Variants in UBE2H observed in about 807,000 individuals in gnomAD.
The protein encoded by UBE2H is ubiquitin-conjugating enzyme E2 H.
UBE2H carries 3 observed loss-of-function variants against 29.0 expected under a neutral mutation model. The ratio of observed to expected loss-of-function variants is 0.10; its 90% CI spans 0.05 to 0.27. UBE2H has a LOEUF of 0.27. UBE2H is among the 10% of genes least tolerant of loss of function. The probability of loss-of-function intolerance (pLI) is 1.00; values close to 1 mark genes in which losing one functional copy is unlikely to be tolerated. For synonymous variants in UBE2H, 69 were observed against 82.9 expected, an observed-to-expected ratio of 0.83 and a Z score of 0.91; for missense variants, 68 against 228.2, an observed-to-expected ratio of 0.30 and a Z score of 4.52.
In UBE2H at chr7:129,835,035, C is replaced by T. The variant is rs763096726; in HGVS notation, c.454G>A (p.Glu152Lys). 6.2e-7 allele frequency: 1 copy of T among 1,614,152 alleles called. No individual in the cohort carries two copies. The highest frequency in any genetic ancestry group is 8.5e-7 in the Non-Finnish European group (1 of 1,180,036). Residue 152 changes from glutamate (E) to lysine (K), a missense_variant, in exon 7 of 7, where the codon GAG (glutamate) becomes AAG (lysine). Glu to Lys is a moderately conservative substitution (Grantham distance 56, BLOSUM62 1). Coordinates refer to ENST00000355621, the MANE Select transcript of UBE2H (RefSeq NM_003344.4). ...CCCTCTTCCTGTTCTTTCAGCGCCT[C>T]CTCCGTGGCGTATTTCTGGATGTAC... Reference protein sequence around the residue: ...KEYIQKYATEEALKEQEEGTG... With the variant: ...KEYIQKYATEKALKEQEEGTG...
intron 1 of UBE2H, among the ~76,000 whole-genome samples, chr7:129,901,220 A>G (rs1806707506): frequency 6.6e-6 from 1 of 152,212 alleles, no homozygotes; most frequent in Admixed American, 6.5e-5. Context: ...TGTTTTCCCT[A>G]GCAAATGTAC....
intron 1 of UBE2H, among the ~76,000 whole-genome samples, chr7:129,946,333 A>G (rs1309054275): frequency 6.6e-6 from 1 of 152,140 alleles, no homozygotes; most frequent in African/African-American, 2.4e-5. Flanking sequence ...TGTTGGGATT[A>G]CAGGCGTGAG....
intron 1 of UBE2H, among the ~76,000 whole-genome samples, chr7:129,884,438 C>A (rs367922175): frequency 8.6e-5 from 13 of 150,754 alleles, no homozygotes; most frequent in East Asian, 5.9e-4. Flanking sequence ...AAAAAAATTT[C>A]TCTACTTTTT....
At chr7:129,869,699 G>T (rs190243359) in intron 3 of UBE2H, among the ~76,000 whole-genome samples, 1 of 152,200 alleles carries the variant, frequency 6.6e-6, no homozygotes, top group Non-Finnish European at 1.5e-5. Context: ...CTGCAGAAAG[G>T]GCACTGTATC....
intron 3 of UBE2H, among the ~76,000 whole-genome samples, chr7:129,871,979 T>C (rs925600825): frequency 6.6e-6 from 1 of 152,084 alleles, no homozygotes; most frequent in Non-Finnish European, 1.5e-5. Context: ...CTCGAGTAGC[T>C]GGGATTACAG....
intron 1 of UBE2H, among the ~76,000 whole-genome samples, chr7:129,932,907 G>C (rs538894258): frequency 4.0e-5 from 6 of 151,596 alleles, no homozygotes; most frequent in Non-Finnish European, 8.8e-5. Context: ...CCCCTTGAAA[G>C]TATCTTGGGG....
intron 3 of UBE2H, among the ~76,000 whole-genome samples, chr7:129,877,950 G>A (rs1806180244): frequency 6.6e-6 from 1 of 152,166 alleles, no homozygotes; most frequent in South Asian, 2.1e-4. Flanking sequence ...ACTAGACTTA[G>A]CATGCCAGTT....
At chr7:129,836,233 C>T (rs1178605728) in intron 6 of UBE2H, among the ~76,000 whole-genome samples, 4 of 152,172 alleles carry the variant, frequency 2.6e-5, no homozygotes, top group Admixed American at 6.5e-5. Context: ...GACTATTTTG[C>T]GTCTTCCTTT....
chr7:129,949,541 G>C (rs1335376093), intron 1 of UBE2H, among the ~76,000 whole-genome samples: 2 of 152,150 alleles, frequency 1.3e-5, no homozygotes, highest in Admixed American at 1.3e-4. Context: ...GAATGAGTCA[G>C]AGTTTCAGAA....
chr7:129,937,518 CTACTT>C (rs765233613), intron 1 of UBE2H, among the ~76,000 whole-genome samples: 1 of 152,090 alleles, frequency 6.6e-6, no homozygotes, highest in African/African-American at 2.4e-5. Context: ...TGGTTACTAA[CTACTT>C]TAATGCAGGA....
At chr7:129,900,607 T>A (rs1806690900) in intron 1 of UBE2H, among the ~76,000 whole-genome samples, 2 of 152,226 alleles carry the variant, frequency 1.3e-5, no homozygotes, top group African/African-American at 4.8e-5. Context: ...TTAGAGATTA[T>A]ATTATGACCA....
intron 1 of UBE2H, among the ~76,000 whole-genome samples, chr7:129,921,813 A>G (rs1193347881): frequency 6.6e-6 from 1 of 151,828 alleles, no homozygotes; most frequent in Non-Finnish European, 1.5e-5. Context: ...TTGTCTAATT[A>G]CTGTTGTTTA....
chr7:129,916,428 T>TAAAAA (rs5741663), intron 1 of UBE2H, among the ~76,000 whole-genome samples: 1 of 137,650 alleles, frequency 7.3e-6, no homozygotes, highest in African/African-American at 2.7e-5. Flanking sequence ...TCTTCCCACT[T>TAAAAA]AAAAAAAAAA....
At chr7:129,874,995 A>G (rs974903375) in intron 3 of UBE2H, among the ~76,000 whole-genome samples, 1 of 152,214 alleles carries the variant, frequency 6.6e-6, no homozygotes, top group African/African-American at 2.4e-5. Context: ...TGGGTTAGGC[A>G]GGTCCTGAGC....
intron 1 of UBE2H, among the ~76,000 whole-genome samples, chr7:129,932,276 A>T (rs915323984): frequency 2.4e-4 from 36 of 148,984 alleles, no homozygotes; most frequent in Non-Finnish European, 4.3e-4. Flanking sequence ...GGCGCCCGCC[A>T]CCACGCCCGG....
At chr7:129,859,490 A>G (rs1805762145) in intron 3 of UBE2H, among the ~76,000 whole-genome samples, 1 of 152,214 alleles carries the variant, frequency 6.6e-6, no homozygotes, top group Admixed American at 6.5e-5. Context: ...CTTTAACATT[A>G]GTCTACTCAT....
intron 3 of UBE2H, among the ~76,000 whole-genome samples, chr7:129,874,484 T>G (rs978198177): frequency 5.3e-5 from 8 of 152,072 alleles, no homozygotes; most frequent in African/African-American, 1.9e-4. Flanking sequence ...TAATTTTTTG[T>G]ATTTTTAGTA....
intron 5 of UBE2H, among the ~76,000 whole-genome samples, chr7:129,845,346 C>A (rs999461238): frequency 6.6e-6 from 1 of 152,146 alleles, no homozygotes; most frequent in Non-Finnish European, 1.5e-5. Flanking sequence ...GTGCAAAATG[C>A]ACAGGAAATA....
chr7:129,923,372 T>C (rs746890440), intron 1 of UBE2H, among the ~76,000 whole-genome samples: 1 of 152,226 alleles, frequency 6.6e-6, no homozygotes, highest in Non-Finnish European at 1.5e-5. Context: ...CCTACTACTA[T>C]ATTTTAACCA....
Sources: gnomAD v4.1 joint callset for allele counts (sites outside exome capture counted in the v4.1 genomes callset) on GRCh38, gnomAD v4.1.1 for gene constraint, MANE v1.5 for transcripts, NCBI Gene and HGNC (gene_info 2026-07-23, HGNC 2026-07-21) for gene names.